DPH6: variants seen among roughly 807,000 people sequenced by gnomAD.
DPH6 encodes diphthamine biosynthesis 6.
DPH6 carries 33 observed loss-of-function variants against 38.2 expected under a neutral mutation model. The observed-to-expected ratio is 0.86, with a 90% CI of 0.65 to 1.15. DPH6 has a LOEUF of 1.15. Ranked by LOEUF, DPH6 falls within the 50% of genes most tolerant of loss-of-function variation. DPH6 has a pLI of 0.00. For missense variants in DPH6, 325 were observed against 320.0 expected (o/e 1.02, Z -0.12); for synonymous variants, 108 against 103.0 (o/e 1.05, Z -0.30).
At chr15:35,381,754 T>C (rs1478632783) in intron 7 of DPH6, 68 bp downstream of exon 7, 1 of 1,324,818 alleles carries the variant, frequency 7.5e-7, no homozygotes, top group African/African-American at 1.5e-5. Context: ...TGCCTCAAGC[T>C]TAATGTTCAG....
At chr15:35,377,861 T>C (rs1384215490) in intron 7 of DPH6, among the ~76,000 whole-genome samples, 1 of 151,964 alleles carries the variant, frequency 6.6e-6, no homozygotes, top group African/African-American at 2.4e-5. Flanking sequence ...TTTTTTATTA[T>C]TGTTATTCAT....
the DPH6 span, among the ~76,000 whole-genome samples, chr15:35,152,526 T>C: frequency 1.3e-5 from 2 of 152,136 alleles, no homozygotes; most frequent in Non-Finnish European, 2.9e-5. Context: ...TGAGATGGAG[T>C]TCTGCTCTTG....
chr15:35,510,091 C>A (rs1195180636), intron 3 of DPH6, among the ~76,000 whole-genome samples: 3 of 152,166 alleles, frequency 2.0e-5, no homozygotes, highest in African/African-American at 7.2e-5. Flanking sequence ...TTACGTGTTC[C>A]TGTAGTACCA....
At chr15:35,266,257 A>T (rs959220335) in intron 3 of DPH6, among the ~76,000 whole-genome samples, 1 of 152,178 alleles carries the variant, frequency 6.6e-6, no homozygotes, top group Non-Finnish European at 1.5e-5. Flanking sequence ...TATGATGCTT[A>T]TCAGTCTATC....
chr15:35,387,516 A>G (rs2052983804), intron 6 of DPH6, among the ~76,000 whole-genome samples: 1 of 151,934 alleles, frequency 6.6e-6, no homozygotes, highest in African/African-American at 2.4e-5. Context: ...CTTTTATTTC[A>G]TTGAGCAGTA....
intron 3 of DPH6, among the ~76,000 whole-genome samples, chr15:35,529,769 T>A (rs976555711): frequency 1.8e-4 from 27 of 152,138 alleles, no homozygotes; most frequent in Non-Finnish European, 3.4e-4. Flanking sequence ...AAAATAGTAG[T>A]AGCATACATT....
intron 3 of DPH6, among the ~76,000 whole-genome samples, chr15:35,310,027 G>A (rs2052127279): frequency 6.6e-6 from 1 of 152,112 alleles, no homozygotes; most frequent in South Asian, 2.1e-4. Flanking sequence ...TGTCACAGTA[G>A]TTTTAGAGCA....
intron 3 of DPH6, among the ~76,000 whole-genome samples, chr15:35,342,063 T>C (rs2052425795): frequency 6.6e-6 from 1 of 152,164 alleles, no homozygotes; most frequent in African/African-American, 2.4e-5. Flanking sequence ...ATTGACTGGC[T>C]GGAATTGCAA....
chr15:35,158,491 A>T, the DPH6 span, among the ~76,000 whole-genome samples: 1 of 152,108 alleles, frequency 6.6e-6, no homozygotes. Context: ...TTTGAAACTC[A>T]AAAGTGCCAA....
chr15:35,185,935 C>T, the DPH6 span, among the ~76,000 whole-genome samples: 6 of 151,836 alleles, frequency 4.0e-5, no homozygotes, highest in Non-Finnish European at 8.8e-5. Flanking sequence ...GGGGCTTCAC[C>T]GTGTTAGCCA....
At position 35,279,312 on chromosome 15, in the gene DPH6, C is replaced by A. The variant is rs149101019; in HGVS notation, n.201-58730G>T. ...TTGGACTTGGGACTTTTGGTTAATG[C>A]TGGAATAAGTTAAGGCTTTGGGGGA... On this transcript the variant is annotated intron_variant and non_coding_transcript_variant, in intron 3 of 3. Coordinates refer to the DPH6 transcript ENST00000560386. Among the ~76,000 whole-genome samples the A allele has an allele frequency of 2.5e-3, 378 of 151,950 alleles. 2 individuals are homozygous for A. Among genetic ancestry groups the A allele is most frequent in the African/African-American group, 8.6e-3 (357 of 41,422 alleles).
chr15:35,387,274 A>G (rs1401678825), intron 6 of DPH6, among the ~76,000 whole-genome samples: 1 of 152,136 alleles, frequency 6.6e-6, no homozygotes, highest in Non-Finnish European at 1.5e-5. Context: ...GTCAGGCAGC[A>G]TGATGTCTCC....
intron 3 of DPH6, among the ~76,000 whole-genome samples, chr15:35,238,824 C>T (rs1359781530): frequency 6.6e-6 from 1 of 151,614 alleles, no homozygotes; most frequent in African/African-American, 2.4e-5. Flanking sequence ...ATTTCCTTCT[C>T]CTGGCTCAGA....
At chr15:35,415,717 T>C (rs1372663706) in intron 5 of DPH6, among the ~76,000 whole-genome samples, 1 of 152,048 alleles carries the variant, frequency 6.6e-6, no homozygotes, top group Admixed American at 6.6e-5. Flanking sequence ...CTTTTCTGTA[T>C]TCATGAAAGT....
intron 3 of DPH6, among the ~76,000 whole-genome samples, chr15:35,504,538 T>C (rs1225374591): frequency 6.6e-6 from 1 of 152,026 alleles, no homozygotes; most frequent in African/African-American, 2.4e-5. Flanking sequence ...GTACTGTTAC[T>C]CATAATCTAG....
intron 3 of DPH6, among the ~76,000 whole-genome samples, chr15:35,469,604 G>C (rs758170766): frequency 1.3e-5 from 2 of 152,156 alleles, no homozygotes; most frequent in Admixed American, 6.5e-5. Flanking sequence ...ACTTGATAGA[G>C]AGCAATCACA....
the DPH6 span, among the ~76,000 whole-genome samples, chr15:35,182,079 A>G: frequency 2.0e-5 from 3 of 151,936 alleles, no homozygotes; most frequent in African/African-American, 7.2e-5. Flanking sequence ...GTTTGTTTTT[A>G]TTTAGTCTTT....
the DPH6 span, among the ~76,000 whole-genome samples, chr15:35,193,745 G>A: frequency 3.9e-5 from 6 of 152,152 alleles, no homozygotes; most frequent in African/African-American, 1.4e-4. Flanking sequence ...TCCATGTCAT[G>A]GATGATGAAG....
At chr15:35,228,474 G>A (rs918292168) in intron 3 of DPH6, among the ~76,000 whole-genome samples, 1 of 152,132 alleles carries the variant, frequency 6.6e-6, no homozygotes, top group Non-Finnish European at 1.5e-5. Flanking sequence ...TGTCACCTAG[G>A]CTGGAGTGCA....
Sources: allele counts gnomAD v4.1 joint callset (sites outside exome capture counted in the v4.1 genomes callset), GRCh38; gene constraint gnomAD v4.1.1; transcripts MANE v1.5; gene names NCBI Gene and HGNC (gene_info 2026-07-23, HGNC 2026-07-21).